Variants in RERE observed in about 807,000 individuals in gnomAD.
The protein encoded by RERE is arginine-glutamic acid dipeptide repeats.
In RERE, 40 loss-of-function variants were observed where a neutral mutation model predicts 146.1. The ratio of observed to expected loss-of-function variants is 0.27; its 90% confidence interval spans 0.21 to 0.36. The LOEUF is 0.36. Among genes scored for constraint, RERE ranks in the 10% least tolerant of loss-of-function variants. The pLI, the probability that RERE is intolerant of heterozygous loss-of-function variation, is 1.00. For missense variants in RERE, 1,933 were observed against 2,138.7 expected (o/e 0.90, Z 1.90); for synonymous variants, 1,003 against 866.0 (o/e 1.16, Z -2.78).
At chr1:8,470,806 G>T (rs970257936) in intron 10 of RERE, among the ~76,000 whole-genome samples, 75 of 117,108 alleles carry the variant, frequency 6.4e-4, no homozygotes, top group Non-Finnish European at 1.1e-3. Context: ...CATCTTTAAA[G>T]AAATACCTTT....
chr1:8,751,796 A>T (rs1333224997), intron 1 of RERE, among the ~76,000 whole-genome samples: 1 of 151,000 alleles, frequency 6.6e-6, no homozygotes, highest in Admixed American at 6.6e-5. Context: ...AAAAAAAAGA[A>T]CTTACATTAT....
In RERE at chr1:8,801,180, A is replaced by G. The variant is rs1641584765; in HGVS notation, c.-145+15980T>C. ...GGGGTTGAGATGGGAAGATCGCTTG[A>G]GCCCAGGAGGTTGAGGCTGCAGTCG... On this transcript the variant is annotated intron_variant, in intron 1 of 22. Coordinates refer to ENST00000400908, the MANE Select transcript of RERE (RefSeq NM_001042681.2). Among the ~76,000 whole-genome samples the G allele has an allele frequency of 2.0e-5, 3 of 151,922 alleles. 1 individual carries two copies. The highest frequency in any genetic ancestry group is 6.8e-3 in the Middle Eastern group (2 of 294).
chr1:8,411,991 T>C lies in RERE; in HGVS notation c.1284+10736A>G, dbSNP rs557338734. ...GCCACAAACCTCTGACATAATTCAA[T>C]GTGTGTCATTAGCACATTTCCAAAA... On this transcript the variant is annotated intron_variant, in intron 12 of 22. Transcript: ENST00000400908. 1.3e-5 allele frequency among the ~76,000 whole-genome samples: 2 copies of C among 152,320 alleles called. 1 individual carries two copies. Among genetic ancestry groups the C allele is most frequent in the South Asian group, 4.1e-4 (2 of 4,830 alleles).
At chr1:8,622,674 G>T (rs1293207419) in intron 3 of RERE, among the ~76,000 whole-genome samples, 1 of 152,036 alleles carries the variant, frequency 6.6e-6, no homozygotes, top group East Asian at 1.9e-4. Flanking sequence ...CGCTTATCAA[G>T]AATAGATCCA....
chr1:8,354,689 C>T lies in RERE; in HGVS notation c.*398G>A, dbSNP rs971263289. 1 of 179,502 alleles carries T rather than the reference C, an allele frequency of 5.6e-6. No homozygotes were observed. Among genetic ancestry groups the T allele is most frequent in the Non-Finnish European group, 1.2e-5 (1 of 86,634 alleles). 11.1% of individuals were successfully genotyped at this position (179,502 alleles called of 1,614,324 possible). A position where few individuals can be genotyped will look rare whatever the true frequency, so the allele number is the denominator to read the frequency against. On this transcript the variant is annotated 3_prime_UTR_variant, in exon 23 of 23. Transcript: ENST00000400908. ...TCCTATGCCCCCGATCTGCAAGCCT[C>T]GTGGGCTCTGGAGCACTCGTGGCGG...
chr1:8,693,013 C>T (rs1570615671), intron 1 of RERE, among the ~76,000 whole-genome samples: 1 of 152,184 alleles, frequency 6.6e-6, no homozygotes, highest in East Asian at 1.9e-4. Flanking sequence ...TGTAACAGAG[C>T]TGGCATCGGA....
At chr1:8,677,932 T>C (rs188604592) in intron 1 of RERE, among the ~76,000 whole-genome samples, 1 of 152,338 alleles carries the variant, frequency 6.6e-6, no homozygotes, top group African/African-American at 2.4e-5. Context: ...GAAAACAGTA[T>C]CTAAAACACA....
intron 10 of RERE, among the ~76,000 whole-genome samples, chr1:8,467,983 G>A (rs1393551641): frequency 6.6e-6 from 1 of 152,170 alleles, no homozygotes; most frequent in Non-Finnish European, 1.5e-5. Flanking sequence ...AAAACAGAAA[G>A]TATTAAAAAT....
chr1:8,812,613 T>A (rs1450160687), intron 1 of RERE, among the ~76,000 whole-genome samples: 1 of 152,268 alleles, frequency 6.6e-6, no homozygotes, highest in East Asian at 1.9e-4. Context: ...GCCATCGCAC[T>A]CCAGCCTGGG....
chr1:8,654,043 CG>C (rs760502102), intron 2 of RERE, among the ~76,000 whole-genome samples: 1 of 144,490 alleles, frequency 6.9e-6, no homozygotes, highest in Non-Finnish European at 1.5e-5. Flanking sequence ...TTTTTTTTTG[CG>C]GGGGGGAGGG....
chr1:8,716,299 CA>C (rs34590852), intron 1 of RERE, among the ~76,000 whole-genome samples: 69,096 of 109,518 alleles, frequency 0.63, 19,347 homozygotes, highest in East Asian at 0.78. Flanking sequence ...CTCATCTCTA[CA>C]AAAAAAAAAA....
intron 1 of RERE, among the ~76,000 whole-genome samples, chr1:8,787,251 G>A (rs1259192775): frequency 1.3e-5 from 2 of 152,072 alleles, no homozygotes; most frequent in Admixed American, 6.6e-5. Context: ...CTATACCTCC[G>A]CATGGCTCCC....
chr1:8,553,441 C>T (rs575430822), intron 6 of RERE, among the ~76,000 whole-genome samples: 16 of 152,156 alleles, frequency 1.1e-4, no homozygotes, highest in African/African-American at 3.4e-4. Context: ...TCCACACACA[C>T]GTGACACTGC....
At chr1:8,452,616 G>A (rs1644402185) in intron 11 of RERE, among the ~76,000 whole-genome samples, 2 of 152,102 alleles carry the variant, frequency 1.3e-5, no homozygotes, top group Admixed American at 6.5e-5. Context: ...ACAATGATAG[G>A]AACAGAAGAT....
chr1:8,800,444 A>C (rs1360422636), intron 1 of RERE, among the ~76,000 whole-genome samples: 2 of 152,144 alleles, frequency 1.3e-5, no homozygotes, highest in Non-Finnish European at 2.9e-5. Context: ...TGACTGAGAG[A>C]CCACGAAAGT....
Position 8,359,904 on chromosome 1 carries a change from C to T in RERE, c.3478G>A (p.Ala1160Thr). 6.2e-7 allele frequency: 1 copy of T among 1,613,326 alleles called. No homozygotes were observed. Among genetic ancestry groups the T allele is most frequent in the Non-Finnish European group, 8.5e-7 (1 of 1,180,032 alleles). The change falls in exon 19 of 23, where the codon GCC (alanine) becomes ACC (threonine). Residue 1160 changes from alanine to threonine, a missense_variant. By Grantham distance (58) the Ala-to-Thr change is moderately conservative. Around this residue, in one of 11 missense-constraint regions of RERE, gnomAD observed 1,255 missense variants for 1,153.8 expected, o/e 1.09. Transcript: ENST00000400908. ...YFMPLAGSKL[A>T]KKREEAIEKA... ...TCAATGGCCTCCTCCCTCTTCTTGG[C>T]CAGCTTGGACCCGGCCAGAGGCATG...
At chr1:8,755,874 G>A (rs910394658) in intron 1 of RERE, among the ~76,000 whole-genome samples, 5 of 152,058 alleles carry the variant, frequency 3.3e-5, no homozygotes, top group East Asian at 1.9e-4. Context: ...AGACCAGCCC[G>A]GGCAATATAG....
chr1:8,449,580 A>G (rs12069580), intron 11 of RERE, among the ~76,000 whole-genome samples: 2,251 of 152,328 alleles, frequency 0.015, 52 homozygotes, highest in African/African-American at 0.05. Flanking sequence ...TGAAAAATGC[A>G]CATCTAGGTA....
rs532644025 is a variant in RERE at position 8,489,441 on chromosome 1, T to C, written c.1104+5622A>G. Among the ~76,000 whole-genome samples the C allele has an allele frequency of 1.2e-3, 177 of 151,982 alleles. 1 individual carries two copies. Among genetic ancestry groups the C allele is most frequent in the African/African-American group, 3.9e-3 (163 of 41,486 alleles). On this transcript the variant is annotated intron_variant, in intron 10 of 22. Transcript: ENST00000400908. ...GGACAAATAATTCCCAATACATATA[T>C]CAAAGGACTTCTACCTGAAATATTA...
Sources: allele counts gnomAD v4.1 joint callset (sites outside exome capture counted in the v4.1 genomes callset), GRCh38; gene constraint gnomAD v4.1.1; regional missense constraint gnomAD v4.1.1; transcripts MANE v1.5; gene names NCBI Gene and HGNC (gene_info 2026-07-23, HGNC 2026-07-21).